Variants in RAB37 observed in about 807,000 individuals in gnomAD.
RAB37 encodes ras-related protein Rab-37.
A neutral mutation model predicts 33.1 loss-of-function variants in RAB37; 29 were observed. The ratio of observed to expected loss-of-function variants is 0.88; its 90% CI spans 0.65 to 1.20. RAB37 has a LOEUF of 1.20. RAB37 is among the 50% of genes most tolerant of loss of function. The pLI is 0.00. For missense variants in RAB37, 299 were observed against 301.1 expected (o/e 0.99, Z 0.05); for synonymous variants, 128 against 119.5 (o/e 1.07, Z -0.47).
Position 74,745,256 on chromosome 17 carries a change from C to T in RAB37, c.567-50C>T, listed in dbSNP as rs747325244. ...GAGAGGGGAGGGGGCGGCTCAGCTC[C>T]TCACCCCAGCCCAGCCCAGCCCAGC... On this transcript the variant is annotated intron_variant, in intron 8 of 8. Transcript: ENST00000392613. This position sits in a 1 kb window ranked among gnomAD's most constrained non-coding sequence, Gnocchi z 4.5. 7.6e-6 allele frequency: 12 copies of T among 1,582,854 alleles called. 1 individual carries two copies. In the East Asian group the frequency reaches 2.7e-4, roughly 35 times the overall value.
chr17:74,712,795 C>G, intron 1 of RAB37: 1 of 1,613,650 alleles, frequency 6.2e-7, no homozygotes, highest in Non-Finnish European at 8.5e-7. Flanking sequence ...GCTAAGCTTC[C>G]CCAAGAAGAC....
intron 1 of RAB37, among the ~76,000 whole-genome samples, chr17:74,727,213 A>T (rs1274953328): frequency 1.3e-5 from 2 of 152,180 alleles, no homozygotes; most frequent in African/African-American, 4.8e-5. Flanking sequence ...TATTCTATAG[A>T]CTGGATTTTT....
intron 1 of RAB37, chr17:74,694,341 TCTC>T (rs1205978084): frequency 8.5e-5 from 13 of 152,152 alleles, no homozygotes; most frequent in Non-Finnish European, 1.6e-4. Context: ...ACAAATTTAT[TCTC>T]CTGCAATTCT....
rs532532211 is a variant in RAB37 at position 74,730,370 on chromosome 17, A to C, written c.183+1004A>C. Among the ~76,000 whole-genome samples the C allele has an allele frequency of 4.6e-5, 7 of 152,300 alleles. No homozygotes were observed. Among genetic ancestry groups the C allele is most frequent in the African/African-American group, 1.7e-4 (7 of 41,560 alleles). ...AAGAGAGAGAGGAAAACTCAGAAAA[A>C]TGGGCTTGCCCACTGGGTCACAGCC... On this transcript the variant is annotated intron_variant, in intron 2 of 7. Transcript: ENST00000340415. This position sits in a 1 kb window ranked among gnomAD's most constrained non-coding sequence, Gnocchi z 4.4.
At chr17:74,722,768 A>G (rs2034258389) in intron 1 of RAB37, among the ~76,000 whole-genome samples, 1 of 152,120 alleles carries the variant, frequency 6.6e-6, no homozygotes, top group Admixed American at 6.5e-5. Flanking sequence ...TCCCTGTACC[A>G]TTTCTCATTC....
intron 1 of RAB37, among the ~76,000 whole-genome samples, chr17:74,687,928 C>T (rs1033301207): frequency 1.3e-5 from 2 of 152,342 alleles, no homozygotes; most frequent in East Asian, 3.9e-4. Context: ...ACCAACTGTC[C>T]TTTCTTAGGA....
intron 1 of RAB37, chr17:74,704,449 GAC>G: frequency 1.3e-6 from 2 of 1,498,598 alleles, no homozygotes; most frequent in Non-Finnish European, 1.8e-6. Context: ...GGCCCTGAGA[GAC>G]ACACACATAT....
At chr17:74,722,340 C>T (rs932991020) in intron 1 of RAB37, among the ~76,000 whole-genome samples, 1 of 151,368 alleles carries the variant, frequency 6.6e-6, no homozygotes, top group South Asian at 2.1e-4. Context: ...GCTTACATGA[C>T]TGGGGGCTGG....
chr17:74,703,922 A>T (rs2033283275), intron 1 of RAB37, among the ~76,000 whole-genome samples: 1 of 152,192 alleles, frequency 6.6e-6, no homozygotes, highest in South Asian at 2.1e-4. Context: ...ACACACACAA[A>T]TGGCTCATGG....
chr17:74,696,922 TGG>T (rs2032539190), intron 1 of RAB37, among the ~76,000 whole-genome samples: 1 of 151,508 alleles, frequency 6.6e-6, no homozygotes, highest in African/African-American at 2.4e-5. Context: ...TGGTTTGGTT[TGG>T]TTTGGTTTGG....
chr17:74,717,534 C>T (rs893745926), intron 1 of RAB37, among the ~76,000 whole-genome samples: 3 of 152,056 alleles, frequency 2.0e-5, no homozygotes, highest in Admixed American at 6.6e-5. Context: ...GAGGGCTGGG[C>T]GCGGTGGCTC....
chr17:74,693,878 G>A (rs113262077), intron 1 of RAB37, among the ~76,000 whole-genome samples: 18,443 of 150,304 alleles, frequency 0.12, 2,423 homozygotes, highest in African/African-American at 0.32. Flanking sequence ...GCAGTGAGCC[G>A]AGATCTCACC....
At chr17:74,734,780 C>T (rs1004813687), upstream of RAB37, among the ~76,000 whole-genome samples, 5 of 151,702 alleles carry the variant, frequency 3.3e-5, no homozygotes, top group South Asian at 2.1e-4. Flanking sequence ...GCCCGGGAGG[C>T]GGAGGTTGCA....
intron 1 of RAB37, among the ~76,000 whole-genome samples, chr17:74,737,889 T>C (rs2034518990): frequency 6.6e-6 from 1 of 152,170 alleles, no homozygotes; most frequent in Non-Finnish European, 1.5e-5. Context: ...CCTTCCTCCC[T>C]GCAGTCGGAA....
At chr17:74,708,426 A>T (rs1400372623) in intron 1 of RAB37, among the ~76,000 whole-genome samples, 2 of 152,194 alleles carry the variant, frequency 1.3e-5, no homozygotes, top group African/African-American at 4.8e-5. Context: ...ATTTCACGAG[A>T]TTAACATAAT....
Position 74,740,858 on chromosome 17 carries a change from A to G in RAB37, c.184A>G (p.Thr62Ala), listed in dbSNP as rs1428644657. ...CTTCCTGTCCGGAACCTTCATAGCC[A>G]CCGTCGGCATAGACTTCAGGGTGAG... The part of the protein sequence containing the change: ...GAFLSGTFIA[T>A]VGIDFRNKVV... The change falls in exon 2 of 9, where the codon ACC becomes GCC. Residue 62 changes from threonine to alanine, a missense_variant. Thr to Ala is a moderately conservative substitution (Grantham distance 58, BLOSUM62 0). Coordinates refer to ENST00000392613, the MANE Select transcript of RAB37 (RefSeq NM_001006638.3). The G allele has an allele frequency of 2.4e-5, 38 of 1,613,422 alleles. No homozygotes were observed. The highest frequency in any genetic ancestry group is 3.2e-5 in the Non-Finnish European group (38 of 1,179,498).
chr17:74,709,127 G>A (rs1598279994), intron 1 of RAB37, among the ~76,000 whole-genome samples: 2 of 151,764 alleles, frequency 1.3e-5, no homozygotes, highest in East Asian at 3.9e-4. Flanking sequence ...GGGAGGCTGA[G>A]GCAGGAGAAT....
chr17:74,709,092 C>T (rs1340498852), intron 1 of RAB37, among the ~76,000 whole-genome samples: 2 of 151,108 alleles, frequency 1.3e-5, no homozygotes, highest in South Asian at 2.1e-4. Context: ...GGCGTGGTGG[C>T]GGGCGCCTGT....
upstream of RAB37, among the ~76,000 whole-genome samples, chr17:74,734,859 G>T (rs1286557200): frequency 7.0e-6 from 1 of 143,768 alleles, no homozygotes; most frequent in Non-Finnish European, 1.5e-5. Flanking sequence ...GAAACAAAAA[G>T]AAAGAAAGAA....
Sources: allele counts gnomAD v4.1 joint callset (sites outside exome capture counted in the v4.1 genomes callset), GRCh38; gene constraint gnomAD v4.1.1; non-coding constraint Gnocchi (gnomAD v3.1); transcripts MANE v1.5; gene names NCBI Gene and HGNC (gene_info 2026-07-23, HGNC 2026-07-21).